INPP5D: variants seen among roughly 807,000 people sequenced by gnomAD.
The protein encoded by INPP5D is phosphatidylinositol 3,4,5-trisphosphate 5-phosphatase 1.
Under a neutral mutation model 122.9 loss-of-function variants are expected in INPP5D, and 33 were observed. The ratio of observed to expected loss-of-function variants is 0.27; its 90% confidence interval spans 0.20 to 0.36. The LOEUF (loss-of-function observed/expected upper bound fraction) is 0.36, where lower values mean the gene tolerates loss of function less well. INPP5D is among the 10% of genes least tolerant of loss of function. The pLI is 1.00. For synonymous variants in INPP5D, 584 were observed against 576.2 expected (o/e 1.01, Z -0.19); for missense variants, 1,053 against 1,412.7 (o/e 0.75, Z 4.08).
intron 21 of INPP5D, among the ~76,000 whole-genome samples, chr2:233,186,836 C>T (rs1482676264): frequency 3.3e-5 from 5 of 149,842 alleles, no homozygotes; most frequent in African/African-American, 1.2e-4. Flanking sequence ...GATTCTCCTG[C>T]CTCACCCTCC....
intron 1 of INPP5D, among the ~76,000 whole-genome samples, chr2:233,071,993 T>A (rs1691394815): frequency 6.6e-6 from 1 of 152,240 alleles, no homozygotes; most frequent in Non-Finnish European, 1.5e-5. Flanking sequence ...CTTATGACAC[T>A]TATTCAGATT....
Position 233,128,652 on chromosome 2 carries a change from A to G in INPP5D, c.525-1856A>G, listed in dbSNP as rs1464816426. Among the ~76,000 whole-genome samples, 1 of 152,028 alleles carries G rather than the reference A, an allele frequency of 6.6e-6. No homozygotes were observed. The highest frequency in any genetic ancestry group is 1.5e-5 in the Non-Finnish European group (1 of 68,000). ...GCCACCACGCCCAGCTAATTTTTGT[A>G]TTTTTAGTAGAGACAGGGTTTCACC... is the stretch of plus-strand genomic sequence containing the variant. On this transcript the variant is annotated intron_variant, in intron 4 of 26. Transcript: ENST00000445964. The surrounding 1 kb of genome is among the most constrained non-coding windows in gnomAD (Gnocchi z 4.5).
At chr2:233,190,201 A>G (rs7603087) in intron 22 of INPP5D, among the ~76,000 whole-genome samples, 3,603 of 152,290 alleles carry the variant, frequency 0.024, 116 homozygotes, top group African/African-American at 0.075. Context: ...ACTTTCCAGT[A>G]TCATGTGATA....
rs1444652516 is a variant in INPP5D, at chr2:233,142,713, C to CT, written c.753+2793dup. ...GTTAACCTGCCTTGGCGCCCACTTC[C>CT]TTTTTTTTTGAAAAGTGCAACTGAA... On this transcript the variant is annotated intron_variant, in intron 6 of 26. Coordinates refer to ENST00000445964, the MANE Select transcript of INPP5D (RefSeq NM_001017915.3). 6.9e-3 allele frequency among the ~76,000 whole-genome samples: 1,039 copies of CT among 151,406 alleles called. 3 individuals carry two copies. The highest frequency in any genetic ancestry group is 0.01 in the Middle Eastern group (3 of 294).
chr2:233,103,381 G>A (rs2106235883), intron 2 of INPP5D, among the ~76,000 whole-genome samples: 1 of 152,282 alleles, frequency 6.6e-6, no homozygotes, highest in African/African-American at 2.4e-5. Context: ...TGGCTGTCCT[G>A]GTCTATGTTC....
rs890615892 is a variant in INPP5D at position 233,170,334 on chromosome 2, G to A, written c.1792-162G>A. On this transcript the variant is annotated intron_variant, in intron 15 of 26. Transcript: ENST00000445964. The surrounding 1 kb of genome is among the most constrained non-coding windows in gnomAD (Gnocchi z 4.5). ...TTACTGAGCCTCAGCCGCTCCTCACGGTTCCCCTGTGCTCACACCCGGTTC... is the reference window on the plus strand; with the variant it reads ...TTACTGAGCCTCAGCCGCTCCTCACAGTTCCCCTGTGCTCACACCCGGTTC... The A allele has an allele frequency of 1.2e-5, 18 of 1,480,764 alleles. No individual in the cohort carries two copies. The highest frequency in any genetic ancestry group is 4.9e-5 in the East Asian group (2 of 40,418). The allele number at this position is 1,480,764 out of a possible 1,614,324, so 91.7% of individuals were successfully genotyped here.
intron 9 of INPP5D, among the ~76,000 whole-genome samples, chr2:233,155,097 GTAAGAGAA>G (rs944308404): frequency 2.0e-5 from 3 of 151,848 alleles, no homozygotes; most frequent in African/African-American, 7.3e-5. Flanking sequence ...GAAAGGAACA[GTAAGAGAA>G]TAAAATGAAA....
chr2:233,063,956 C>A (rs1274247456), intron 1 of INPP5D, among the ~76,000 whole-genome samples: 2 of 152,270 alleles, frequency 1.3e-5, no homozygotes, highest in Non-Finnish European at 2.9e-5. Flanking sequence ...CCCTCTCCTG[C>A]CACGCAGGGG....
intron 3 of INPP5D, among the ~76,000 whole-genome samples, chr2:233,123,409 G>A (rs759159742): frequency 2.0e-5 from 3 of 148,078 alleles, no homozygotes; most frequent in Non-Finnish European, 4.4e-5. Context: ...AGCCAAGATC[G>A]CACCACTGAA....
At chr2:233,097,193 A>G (rs1692167970) in intron 2 of INPP5D, among the ~76,000 whole-genome samples, 1 of 152,120 alleles carries the variant, frequency 6.6e-6, no homozygotes, top group Non-Finnish European at 1.5e-5. Context: ...CTCCTGTTCC[A>G]TTGATAGATT....
At chr2:233,125,616 C>T (rs142409358) in intron 3 of INPP5D, 129 bp from the exon 4 acceptor site, 14 of 806,024 alleles carry the variant, frequency 1.7e-5, no homozygotes, top group Admixed American at 5.7e-5. Flanking sequence ...AGGGAGTCAG[C>T]GAGGGACACG....
intron 5 of INPP5D, among the ~76,000 whole-genome samples, chr2:233,133,259 G>A (rs994611392): frequency 1.3e-4 from 20 of 152,162 alleles, no homozygotes; most frequent in Non-Finnish European, 1.5e-5. Flanking sequence ...AAATGTCATG[G>A]TAAGATAAAA....
intron 2 of INPP5D, among the ~76,000 whole-genome samples, chr2:233,098,456 T>C (rs571146816): frequency 3.9e-5 from 6 of 152,326 alleles, no homozygotes; most frequent in African/African-American, 1.4e-4. Context: ...CAGGAAACTC[T>C]CAGGCCACAA....
rs1285493408 is a variant in INPP5D at position 233,206,359 on chromosome 2, TTA to T, written c.3568-335_3568-334del. ...TACATATTACATATGTGTATATATT[TTA>T]TATATATATATGGTACGTACCTGGG... is the stretch of plus-strand genomic sequence containing the variant. On this transcript the variant is annotated intron_variant, in intron 26 of 26. Transcript: ENST00000445964. The surrounding 1 kb of genome is among the most constrained non-coding windows in gnomAD (Gnocchi z 4.0). Among the ~76,000 whole-genome samples the T allele has an allele frequency of 6.6e-6, 1 of 151,002 alleles. No individual in the cohort carries two copies.
chr2:233,063,708 C>G (rs918889368), intron 1 of INPP5D, among the ~76,000 whole-genome samples: 1 of 152,268 alleles, frequency 6.6e-6, no homozygotes, highest in Non-Finnish European at 1.5e-5. Flanking sequence ...GCCTGGGCTC[C>G]ATCTCGGGGC....
chr2:233,170,267 G>T lies in INPP5D; in HGVS notation c.1791+103G>T. ...TCGTGGAGACATGTGAATCAAGTGG[G>T]CTGAGGCGGCTGCTCCCCTTGGGGG... On this transcript the variant is annotated intron_variant, in intron 15 of 26. Coordinates refer to ENST00000445964, the MANE Select transcript of INPP5D (RefSeq NM_001017915.3). The surrounding 1 kb of genome is among the most constrained non-coding windows in gnomAD (Gnocchi z 4.5). 6.6e-7 allele frequency: 1 copy of T among 1,524,688 alleles called. No individual in the cohort carries two copies. The highest frequency in any genetic ancestry group is 8.8e-7 in the Non-Finnish European group (1 of 1,133,124). 94.4% of individuals were successfully genotyped at this position (1,524,688 alleles called of 1,614,324 possible). A position where few individuals can be genotyped will look rare whatever the true frequency, so the allele number is the denominator to read the frequency against.
At chr2:233,126,019 G>C in intron 4 of INPP5D, 100 bp downstream of exon 4, 1 of 1,180,436 alleles carries the variant, frequency 8.5e-7, no homozygotes, top group East Asian at 2.5e-5. Context: ...TGGGCCTGGT[G>C]ACCAGAGGGA....
intron 2 of INPP5D, among the ~76,000 whole-genome samples, chr2:233,098,382 C>G (rs1029100771): frequency 2.0e-5 from 3 of 152,174 alleles, no homozygotes; most frequent in Admixed American, 2.0e-4. Flanking sequence ...TGAGCCAGCT[C>G]AACCCACTGC....
chr2:233,073,911 C>G (rs1014194147), intron 1 of INPP5D, among the ~76,000 whole-genome samples: 4 of 152,146 alleles, frequency 2.6e-5, no homozygotes, highest in Non-Finnish European at 5.9e-5. Context: ...TCAGTTTGCT[C>G]ATTTTTCACA....
Sources: gnomAD v4.1 joint callset for allele counts (sites outside exome capture counted in the v4.1 genomes callset) on GRCh38, gnomAD v4.1.1 for gene constraint, Gnocchi (gnomAD v3.1) non-coding constraint, MANE v1.5 for transcripts, NCBI Gene and HGNC (gene_info 2026-07-23, HGNC 2026-07-21) for gene names.